UNC80: variants seen among roughly 807,000 people sequenced by gnomAD.
The protein encoded by UNC80 is protein unc-80 homolog.
A neutral mutation model predicts 384.6 loss-of-function variants in UNC80; 164 were observed. The observed-to-expected ratio is 0.43, with a 90% confidence interval of 0.38 to 0.49. The LOEUF is 0.49. UNC80 is among the 20% of genes least tolerant of loss of function. UNC80 has a pLI of 0.00. For missense variants in UNC80, 3,330 were observed against 4,143.0 expected, an observed-to-expected ratio of 0.80 and a Z score of 5.39; for synonymous variants, 1,486 against 1,527.8, an observed-to-expected ratio of 0.97 and a Z score of 0.64.
Position 209,987,510 on chromosome 2 carries a change from G to A in UNC80, c.9314+2598G>A, listed in dbSNP as rs79513300. ...TAGATGTTCCTTCTCTGTCTCTGCC[G>A]TGAAACACGCACACATATCCATGGA... On this transcript the variant is annotated intron_variant, in intron 61 of 64. Transcript: ENST00000673920. Among the ~76,000 whole-genome samples, 987 of 152,206 alleles carry A rather than the reference G, an allele frequency of 6.5e-3. 9 individuals are homozygous for A. Among genetic ancestry groups the A allele is most frequent in the Non-Finnish European group, 0.01 (694 of 68,006 alleles).
chr2:209,773,469 A>G (rs747231674), intron 2 of UNC80, among the ~76,000 whole-genome samples: 17 of 152,240 alleles, frequency 1.1e-4, no homozygotes, highest in Non-Finnish European at 2.4e-4. Context: ...ATAAGAATGG[A>G]TAGATAAGGC....
chr2:209,841,671 G>A (rs1008288681), intron 20 of UNC80, among the ~76,000 whole-genome samples: 3 of 152,040 alleles, frequency 2.0e-5, no homozygotes, highest in African/African-American at 7.2e-5. Context: ...CTTTTATCTA[G>A]TCTGTTTTAA....
chr2:209,956,010 C>G (rs983275744), intron 48 of UNC80, among the ~76,000 whole-genome samples: 4 of 151,878 alleles, frequency 2.6e-5, no homozygotes, highest in Non-Finnish European at 4.4e-5. Context: ...TCCTAAAGTG[C>G]TGGGATTACA....
intron 12 of UNC80, among the ~76,000 whole-genome samples, chr2:209,819,594 A>C (rs1016138769): frequency 5.3e-5 from 8 of 152,196 alleles, no homozygotes; most frequent in Non-Finnish European, 7.4e-5. Context: ...TTCTTCACTT[A>C]TTTTATTTTG....
At chr2:209,926,580 C>T (rs1399249044) in intron 35 of UNC80, among the ~76,000 whole-genome samples, 7 of 151,948 alleles carry the variant, frequency 4.6e-5, no homozygotes, top group South Asian at 2.1e-4. Context: ...AGTTCAAGAC[C>T]GACTGGGGCA....
rs1270255258 is a variant in UNC80 at position 209,771,978 on chromosome 2, G to C, written c.-95G>C. On this transcript the variant is annotated 5_prime_UTR_variant, in exon 1 of 65. Transcript: ENST00000673920. ...AGCCGGCTCTGCCTCGGGGAAGGAG[G>C]GGATGAGAGTTGGGAGCAGCGGGAG... The C allele has an allele frequency of 5.7e-6, 5 of 872,860 alleles. No individual in the cohort carries two copies. Among genetic ancestry groups the C allele is most frequent in the Non-Finnish European group, 9.3e-6 (5 of 537,250 alleles). The allele number at this position is 872,860 out of a possible 1,614,324, so 54.1% of individuals were successfully genotyped here.
chr2:209,848,546 A>G (rs1257858060), intron 21 of UNC80, among the ~76,000 whole-genome samples: 1 of 152,158 alleles, frequency 6.6e-6, no homozygotes, highest in African/African-American at 2.4e-5. Context: ...AGAAATGGCC[A>G]TATTTGCTTC....
chr2:209,803,956 T>C (rs1353086303), intron 7 of UNC80, among the ~76,000 whole-genome samples: 3 of 152,064 alleles, frequency 2.0e-5, no homozygotes, highest in African/African-American at 7.2e-5. Context: ...AGGCTGGTCT[T>C]GAACCCCTGG....
At chr2:209,863,893 G>A (rs1228860937) in intron 22 of UNC80, among the ~76,000 whole-genome samples, 4 of 151,760 alleles carry the variant, frequency 2.6e-5, no homozygotes, top group Non-Finnish European at 5.9e-5. Context: ...GAGACGCTGC[G>A]ATCATTTGGA....
At chr2:209,792,239 G>A (rs1385640412) in intron 6 of UNC80, among the ~76,000 whole-genome samples, 1 of 152,238 alleles carries the variant, frequency 6.6e-6, no homozygotes, top group East Asian at 1.9e-4. Flanking sequence ...GGGACATGGA[G>A]GTTGCAATGA....
intron 18 of UNC80, among the ~76,000 whole-genome samples, chr2:209,838,744 G>A (rs1574672192): frequency 1.3e-5 from 2 of 152,130 alleles, no homozygotes; most frequent in Non-Finnish European, 1.5e-5. Flanking sequence ...GACGGATCAC[G>A]AGGTCAGGAG....
Position 209,995,389 on chromosome 2 carries a change from A to C in UNC80, c.9769A>C (p.Thr3257Pro). The C allele has an allele frequency of 6.4e-7, 1 of 1,552,116 alleles. No homozygotes were observed. The highest frequency in any genetic ancestry group is 1.2e-5 in the South Asian group (1 of 84,068). ...KEEDTEAQGA[T>P]AHSPLSAQLS... ...GGAGGACACAGAAGCACAAGGTGCT[A>C]CTGCACACAGTCCACTCTCTGCCCA... Residue 3257 changes from threonine (T) to proline (P), a missense_variant, in exon 65 of 65, where the codon ACT (threonine) becomes CCT (proline). Physicochemically the swap from Thr to Pro is conservative, Grantham distance 38. This residue lies in a region of UNC80 where 236 missense variants were observed against 254.9 expected (regional missense o/e 0.93). Transcript: ENST00000673920.
At chr2:209,815,952 C>G (rs1297881002) in intron 9 of UNC80, among the ~76,000 whole-genome samples, 1 of 152,024 alleles carries the variant, frequency 6.6e-6, no homozygotes, top group African/African-American at 2.4e-5. Flanking sequence ...ATGTGTAGAC[C>G]TGTGTATATG....
intron 7 of UNC80, among the ~76,000 whole-genome samples, chr2:209,806,653 TAACAA>T (rs1321808062): frequency 6.6e-6 from 1 of 152,212 alleles, no homozygotes; most frequent in African/African-American, 2.4e-5. Flanking sequence ...AGAACTTTAA[TAACAA>T]AACAATGCCA....
Position 209,997,535 on chromosome 2 carries a change from A to C in UNC80, c.*1940A>C, listed in dbSNP as rs1044223649. 2.6e-5 allele frequency: 4 copies of C among 152,244 alleles called. No homozygotes were observed. The highest frequency in any genetic ancestry group is 4.4e-5 in the Non-Finnish European group (3 of 68,040). 9.4% of individuals were successfully genotyped at this position (152,244 alleles called of 1,614,324 possible). On this transcript the variant is annotated 3_prime_UTR_variant, in exon 65 of 65. Coordinates refer to ENST00000673920, the MANE Select transcript of UNC80 (RefSeq NM_001371986.1). Reference sequence around the variant, plus strand: ...AAATATTTAAATAGCAAAGAAGTCAAAGAAGATTGTTAAATATTCAACAAG... The same window carrying C: ...AAATATTTAAATAGCAAAGAAGTCACAGAAGATTGTTAAATATTCAACAAG...
intron 48 of UNC80, among the ~76,000 whole-genome samples, chr2:209,954,754 A>G (rs1311557469): frequency 2.0e-5 from 3 of 152,244 alleles, no homozygotes; most frequent in Non-Finnish European, 4.4e-5. Context: ...CATAACCAAT[A>G]TAAACAGCAG....
intron 30 of UNC80, among the ~76,000 whole-genome samples, chr2:209,913,599 A>AT (rs1264815642): frequency 2.0e-5 from 3 of 152,032 alleles, no homozygotes; most frequent in Non-Finnish European, 4.4e-5. Flanking sequence ...AAATTAGTGT[A>AT]TTTTTTTCTA....
At chr2:209,964,414 G>A (rs927712492) in intron 51 of UNC80, among the ~76,000 whole-genome samples, 3 of 152,148 alleles carry the variant, frequency 2.0e-5, no homozygotes, top group Admixed American at 2.0e-4. Flanking sequence ...TAAATACAAA[G>A]GCAGTAGGAT....
chr2:209,882,111 C>T (rs112498983), intron 25 of UNC80, among the ~76,000 whole-genome samples: 5,536 of 151,812 alleles, frequency 0.036, 343 homozygotes, highest in African/African-American at 0.13. Context: ...GGACTACAGG[C>T]GCGTGCCACC....
Sources: gnomAD v4.1 joint callset for allele counts (sites outside exome capture counted in the v4.1 genomes callset) on GRCh38, gnomAD v4.1.1 for gene constraint, gnomAD v4.1.1 regional missense constraint, MANE v1.5 for transcripts, NCBI Gene and HGNC (gene_info 2026-07-23, HGNC 2026-07-21) for gene names.